The following CCL14 variants were observed in gnomAD, a reference collection of about 807,000 sequenced individuals.
The protein encoded by CCL14 is C-C motif chemokine ligand 14.
In CCL14, 8 loss-of-function variants were observed where a neutral mutation model predicts 8.2. That is an observed-to-expected ratio of 0.98 (90% CI 0.57 to 1.76). CCL14 has a LOEUF of 1.76. Among genes scored for constraint, CCL14 ranks in the 40% most tolerant of loss-of-function variants. The pLI, the probability that CCL14 is intolerant of heterozygous loss-of-function variation, is 0.00. For synonymous variants in CCL14, 50 were observed against 43.2 expected, an observed-to-expected ratio of 1.16 and a Z score of -0.62; for missense variants, 127 against 118.3, an observed-to-expected ratio of 1.07 and a Z score of -0.34.
chr17:35,983,929 C>T (rs375806651), intron 2 of CCL14, 41 bp from the exon 3 acceptor site: 14 of 1,464,318 alleles, frequency 9.6e-6, no homozygotes, highest in Non-Finnish European at 1.3e-5. Context: ...CCGAGGGGCC[C>T]AGTGGCCGGA....
chr17:35,985,081 T>C (rs1322450671), intron 1 of CCL14: 2 of 155,098 alleles, frequency 1.3e-5, no homozygotes, highest in Admixed American at 1.3e-4. Context: ...ACTTTCCCCC[T>C]GTTCCCTCCT....
At chr17:35,984,767 C>A (rs767011417) in intron 1 of CCL14, 2 of 490,824 alleles carry the variant, frequency 4.1e-6, no homozygotes, top group Admixed American at 3.5e-5. Context: ...TCTCTGGGGG[C>A]CGACTGGCAG....
chr17:35,985,827 GATAA>G (rs1279798392), intron 1 of CCL14: 7 of 1,528,934 alleles, frequency 4.6e-6, no homozygotes, highest in Non-Finnish European at 6.2e-6. Context: ...ATGGAAGAGT[GATAA>G]ATAGTTTTGG....
At chr17:35,986,545 G>C (rs974520997) in intron 1 of CCL14, 26 bp downstream of exon 1, 1 of 1,585,298 alleles carries the variant, frequency 6.3e-7, no homozygotes, top group African/African-American at 1.3e-5. Context: ...CTCTAGGTTG[G>C]AAGGAAGACA....
At position 35,983,496 on chromosome 17, in the gene CCL14, C is replaced by G. The variant is rs760801208; in HGVS notation, c.*305G>C. On this transcript the variant is annotated 3_prime_UTR_variant, in exon 3 of 3. Coordinates refer to ENST00000618404, the MANE Select transcript of CCL14 (RefSeq NM_032963.4). ...GTCTTTACACTGCTTTTCTTTCTCA[C>G]TTTCTGCTTCTCACTACCTGCATTG... The G allele has an allele frequency of 1.1e-5, 4 of 359,490 alleles. No individual in the cohort carries two copies. The highest frequency in any genetic ancestry group is 6.1e-5 in the African/African-American group (3 of 49,098). 22.3% of individuals were successfully genotyped at this position (359,490 alleles called of 1,614,324 possible).
chr17:35,984,733 G>A (rs1015257945), intron 1 of CCL14: 33 of 548,532 alleles, frequency 6.0e-5, no homozygotes, highest in Middle Eastern at 4.7e-4. Flanking sequence ...TTGAAGAGCA[G>A]CACACTCAGA....
At chr17:35,985,659 A>C (rs1339866526) in intron 1 of CCL14, 5 of 1,157,340 alleles carry the variant, frequency 4.3e-6, no homozygotes, top group Non-Finnish European at 6.3e-6. Context: ...CTGTTTCCTG[A>C]GACCCAGTCA....
chr17:35,984,768 C>A lies in CCL14; in HGVS notation c.80-316G>T, dbSNP rs752263178. ...ATCTTCTTACACCATCTCTGGGGGC[C>A]GACTGGCAGAGAAGGCTAGGGACTT... On this transcript the variant is annotated intron_variant, in intron 1 of 2. Transcript: ENST00000618404. The A allele has an allele frequency of 2.9e-5, 14 of 486,344 alleles. No homozygotes were observed. In the Admixed American group the frequency reaches 5.0e-4, roughly 17 times the overall value. 30.1% of individuals were successfully genotyped at this position (486,344 alleles called of 1,614,324 possible).
chr17:35,983,920 C>G (rs376902531), intron 2 of CCL14, 32 bp from the exon 3 acceptor site: 13 of 1,535,118 alleles, frequency 8.5e-6, no homozygotes, highest in Non-Finnish European at 1.2e-5. Flanking sequence ...GATCACAAAC[C>G]GAGGGGCCCA....
Position 35,983,724 on chromosome 17 carries a change from C to T in CCL14, c.*77G>A, listed in dbSNP as rs41495150. ...GAGGGTGACTGGGGCTGAGAGTTAG[C>T]GGTGGGTGGAGGAGGGGGCCTTGGC... On this transcript the variant is annotated 3_prime_UTR_variant, in exon 3 of 3. Transcript: ENST00000618404. 14 of 969,886 alleles carry T rather than the reference C, an allele frequency of 1.4e-5. No individual in the cohort carries two copies. Among genetic ancestry groups the T allele is most frequent in the Middle Eastern group, 2.5e-4 (1 of 3,968 alleles). The allele number at this position is 969,886 out of a possible 1,614,324, so 60.1% of individuals were successfully genotyped here. A position where few individuals can be genotyped will look rare whatever the true frequency, so the allele number is the denominator to read the frequency against.
At chr17:35,985,490 A>G (rs1157093292) in intron 1 of CCL14, 1 of 534,078 alleles carries the variant, frequency 1.9e-6, no homozygotes, top group Non-Finnish European at 3.3e-6. Context: ...AGGTGTGTGC[A>G]TGTTATGTGA....
intron 1 of CCL14, 143 bp from the exon 2 acceptor site, chr17:35,984,595 C>T (rs1473987456): frequency 3.2e-6 from 2 of 634,634 alleles, no homozygotes; most frequent in Admixed American, 2.5e-5. Flanking sequence ...AGGCTTTCCT[C>T]ATCTTCTCTT....
rs747945816 is a variant in CCL14 at position 35,986,679 on chromosome 17, T to C, written c.-30A>G. 5 of 1,563,858 alleles carry C rather than the reference T, an allele frequency of 3.2e-6. No homozygotes were observed. The highest frequency in any genetic ancestry group is 4.4e-6 in the Non-Finnish European group (5 of 1,134,696). On this transcript the variant is annotated 5_prime_UTR_variant, in exon 1 of 3. Transcript: ENST00000618404. ...TGGGAAGCTGTTGTGGGAGGAGAGC[T>C]GGCCTGGTGGGAGCTTCAGAGGCTC...
chr17:35,986,501 G>T, intron 1 of CCL14, 70 bp downstream of exon 1: 1 of 1,269,316 alleles, frequency 7.9e-7, no homozygotes, highest in Non-Finnish European at 1.2e-6. Context: ...CTTCCCCTGA[G>T]CCCCAACCTC....
chr17:35,984,065 C>T (rs1281525229), intron 2 of CCL14, among the ~76,000 whole-genome samples, 177 bp from the exon 3 acceptor site: 1 of 152,176 alleles, frequency 6.6e-6, no homozygotes, highest in East Asian at 1.9e-4. Context: ...CCTAGGACCC[C>T]TAGACCCATC....
Position 35,985,406 on chromosome 17 carries a change from G to A in CCL14, c.80-954C>T, listed in dbSNP as rs769903811. ...GCCACCCCAAGCTTGAATTATAGAG[G>A]TAGCAGGAAGGACATTGTAGGCCAA... On this transcript the variant is annotated intron_variant, in intron 1 of 2. Coordinates refer to ENST00000618404, the MANE Select transcript of CCL14 (RefSeq NM_032963.4). The A allele has an allele frequency of 2.0e-4, 60 of 294,448 alleles. No homozygotes were observed. The Middle Eastern group carries it at 3.5e-3, about 17-fold the overall frequency. 18.2% of individuals were successfully genotyped at this position (294,448 alleles called of 1,614,324 possible). A position where few individuals can be genotyped will look rare whatever the true frequency, so the allele number is the denominator to read the frequency against.
chr17:35,984,499 C>A, intron 1 of CCL14, 47 bp from the exon 2 acceptor site: 1 of 1,239,814 alleles, frequency 8.1e-7, no homozygotes, highest in Non-Finnish European at 1.2e-6. Flanking sequence ...TTGTTAAAGG[C>A]CATACCATTG....
chr17:35,986,557 G>A lies in CCL14; in HGVS notation c.79+14C>T. 2 of 1,605,388 alleles carry A rather than the reference G, an allele frequency of 1.2e-6. No individual in the cohort carries two copies. Among genetic ancestry groups the A allele is most frequent in the Non-Finnish European group, 8.5e-7 (1 of 1,172,114 alleles). ...AGGCTCTAGGTTGGAAGGAAGACAAGGCATTGCACTCACGTGAGGAGGATT... is the reference window on the plus strand; with the variant it reads ...AGGCTCTAGGTTGGAAGGAAGACAAAGCATTGCACTCACGTGAGGAGGATT... On this transcript the variant is annotated intron_variant, in intron 1 of 2. Coordinates refer to ENST00000618404, the MANE Select transcript of CCL14 (RefSeq NM_032963.4).
At position 35,983,811 on chromosome 17, in the gene CCL14, T is replaced by G. The variant is rs1160118175; in HGVS notation, c.272A>C (p.Lys91Thr). The stretch of plus-strand genomic sequence containing the variant: ...CCCCTTCTGGGTCACTCAGTTCTCC[T>G]TCATGTCCTTGATATAGTCCTGGAC... The part of the protein sequence containing the change: ...KWVQDYIKDM[K>T]EN The change falls in exon 3 of 3, where the codon AAG becomes ACG. Residue 91 changes from lysine (K) to threonine (T), a missense_variant. Coordinates refer to ENST00000618404, the MANE Select transcript of CCL14 (RefSeq NM_032963.4). 6.2e-7 allele frequency: 1 copy of G among 1,613,076 alleles called. No homozygotes were observed. The highest frequency in any genetic ancestry group is 1.3e-5 in the African/African-American group (1 of 75,006).
Sources: allele counts gnomAD v4.1 joint callset (sites outside exome capture counted in the v4.1 genomes callset), GRCh38; gene constraint gnomAD v4.1.1; transcripts MANE v1.5; gene names NCBI Gene and HGNC (gene_info 2026-07-23, HGNC 2026-07-21).